CCBE1: variants seen among roughly 807,000 people sequenced by gnomAD.
CCBE1 encodes collagen and calcium-binding EGF domain-containing protein 1.
In CCBE1, 37 loss-of-function variants were observed where a neutral mutation model predicts 50.0. The ratio of observed to expected loss-of-function variants is 0.74; its 90% CI spans 0.57 to 0.97. The LOEUF (loss-of-function observed/expected upper bound fraction) is 0.97, where lower values mean the gene tolerates loss of function less well. Ranked by LOEUF, CCBE1 falls within the 50% of genes least tolerant of loss-of-function variation. CCBE1 has a pLI of 0.00. For synonymous variants in CCBE1, 234 were observed against 203.7 expected (o/e 1.15, Z -1.27); for missense variants, 538 against 523.8 (o/e 1.03, Z -0.26).
chr18:59,625,398 T>A (rs1256371918), intron 2 of CCBE1, among the ~76,000 whole-genome samples: 2 of 131,262 alleles, frequency 1.5e-5, no homozygotes, highest in East Asian at 2.2e-4. Context: ...GCCACTGCGC[T>A]CCAGCCTGGG....
chr18:59,629,670 G>A (rs549891247), intron 2 of CCBE1, among the ~76,000 whole-genome samples: 73 of 152,368 alleles, frequency 4.8e-4, no homozygotes, highest in Middle Eastern at 3.4e-3. Context: ...TAACAGAGAA[G>A]TCAGGAATAG....
Position 59,692,955 on chromosome 18 carries a change from A to AACACACAC in CCBE1, c.212+3673_212+3674insGTGTGTGT, listed in dbSNP as rs1568276448. ...TAAAAGAACCACTTTGTCAAGCCAA[A>AACACACAC]GCACACACACACACACACACACACA... On this transcript the variant is annotated intron_variant, in intron 2 of 10. Coordinates refer to ENST00000439986, the MANE Select transcript of CCBE1 (RefSeq NM_133459.4). 3.0e-3 allele frequency among the ~76,000 whole-genome samples: 425 copies of AACACACAC among 143,178 alleles called. 4 individuals are homozygous for AACACACAC. Among genetic ancestry groups the AACACACAC allele is most frequent in the South Asian group, 5.8e-3 (25 of 4,324 alleles). 93.9% of individuals were successfully genotyped at this position (143,178 alleles called of 152,430 possible).
intron 2 of CCBE1, among the ~76,000 whole-genome samples, chr18:59,483,767 T>C (rs1912686965): frequency 6.6e-6 from 1 of 152,208 alleles, no homozygotes. Context: ...GTAGATATCT[T>C]ACTTCAAAAG....
At chr18:59,595,019 G>A (rs2053330645) in intron 2 of CCBE1, among the ~76,000 whole-genome samples, 2 of 151,582 alleles carry the variant, frequency 1.3e-5, no homozygotes, top group South Asian at 2.1e-4. Context: ...GGCTAAGGCA[G>A]GAGAATCCCT....
chr18:59,666,084 A>G (rs2054351521), intron 2 of CCBE1: 1 of 152,382 alleles, frequency 6.6e-6, no homozygotes, highest in Non-Finnish European at 1.5e-5. Flanking sequence ...ACAGTTCCAC[A>G]TGGCTGGGGA....
At chr18:59,546,605 G>T (rs771663932) in intron 2 of CCBE1, among the ~76,000 whole-genome samples, 3 of 152,290 alleles carry the variant, frequency 2.0e-5, no homozygotes, top group South Asian at 4.1e-4. Context: ...ATAGATAAAA[G>T]AAACAAAATC....
At chr18:59,518,150 TTCAG>T (rs1343549026) in intron 2 of CCBE1, among the ~76,000 whole-genome samples, 3 of 152,186 alleles carry the variant, frequency 2.0e-5, no homozygotes, top group African/African-American at 7.2e-5. Flanking sequence ...AGGCACAGTA[TTCAG>T]TCAGTTTTTA....
chr18:59,473,510 T>A (rs898112771), intron 3 of CCBE1, among the ~76,000 whole-genome samples: 1 of 152,166 alleles, frequency 6.6e-6, no homozygotes, highest in Non-Finnish European at 1.5e-5. Context: ...ACTTACTCCC[T>A]CTGTGTGGAA....
upstream of CCBE1, chr18:59,697,583 T>G (rs1599148515): frequency 3.7e-6 from 2 of 543,338 alleles, no homozygotes; most frequent in Non-Finnish European, 6.5e-6. Context: ...GTACCTGCGG[T>G]GTCCGGCTGG....
At chr18:59,654,798 A>AC (rs1488215303) in intron 2 of CCBE1, among the ~76,000 whole-genome samples, 3 of 151,180 alleles carry the variant, frequency 2.0e-5, no homozygotes, top group Non-Finnish European at 4.4e-5. Context: ...CTCCAAAAAA[A>AC]AAAAAAAAAA....
At chr18:59,541,551 G>A (rs1337812562) in intron 2 of CCBE1, among the ~76,000 whole-genome samples, 1 of 152,130 alleles carries the variant, frequency 6.6e-6, no homozygotes, top group East Asian at 1.9e-4. Flanking sequence ...GCAGTTTCCA[G>A]AAAAGGGGGG....
chr18:59,615,376 T>C (rs2053622877), intron 2 of CCBE1, among the ~76,000 whole-genome samples: 1 of 152,204 alleles, frequency 6.6e-6, no homozygotes, highest in South Asian at 2.1e-4. Context: ...CGCTGCGTAA[T>C]TTCACCCACA....
chr18:59,438,089 C>G lies in CCBE1; in HGVS notation c.987+22G>C, dbSNP rs374440827. 2.5e-6 allele frequency: 4 copies of G among 1,613,696 alleles called. No individual in the cohort carries two copies. The South Asian group carries it at 4.4e-5, about 18-fold the overall frequency. ...CCCTGAGAACGTTCCCCTGGGGAAG[C>G]AGGACACAGAGTGCTACTTACTGGA... On this transcript the variant is annotated intron_variant, in intron 10 of 10. Coordinates refer to ENST00000439986, the MANE Select transcript of CCBE1 (RefSeq NM_133459.4).
intron 2 of CCBE1, among the ~76,000 whole-genome samples, chr18:59,514,602 T>C (rs1914283197): frequency 6.7e-6 from 1 of 149,068 alleles, no homozygotes; most frequent in Non-Finnish European, 1.5e-5. Context: ...TTTGGGGAAT[T>C]TAGGCATGCT....
intron 2 of CCBE1, among the ~76,000 whole-genome samples, chr18:59,612,294 A>T (rs747582349): frequency 4.5e-4 from 21 of 46,192 alleles, no homozygotes; most frequent in East Asian, 1.7e-3. Context: ...AAAGTATAAT[A>T]AAAAAAAAAA....
chr18:59,464,312 C>T (rs1911638334), intron 5 of CCBE1, among the ~76,000 whole-genome samples: 1 of 152,108 alleles, frequency 6.6e-6, no homozygotes, highest in Admixed American at 6.5e-5. Context: ...CCTGTAATCC[C>T]AGATACTTGG....
chr18:59,662,816 TA>T (rs2054302671), intron 2 of CCBE1, among the ~76,000 whole-genome samples: 1 of 152,212 alleles, frequency 6.6e-6, no homozygotes, highest in African/African-American at 2.4e-5. Context: ...TTATACATTC[TA>T]AAATCCTGTG....
At chr18:59,550,908 G>C (rs1256802241) in intron 2 of CCBE1, among the ~76,000 whole-genome samples, 1 of 149,834 alleles carries the variant, frequency 6.7e-6, no homozygotes, top group Non-Finnish European at 1.5e-5. Context: ...TAGAGGCTGA[G>C]GCAGGAGAAT....
intron 2 of CCBE1, among the ~76,000 whole-genome samples, chr18:59,599,586 T>C (rs1028970992): frequency 2.6e-5 from 4 of 152,230 alleles, no homozygotes; most frequent in East Asian, 1.9e-4. Flanking sequence ...TGAATTTTCT[T>C]ATCACTTATG....
Sources: allele counts gnomAD v4.1 joint callset (sites outside exome capture counted in the v4.1 genomes callset), GRCh38; gene constraint gnomAD v4.1.1; transcripts MANE v1.5; gene names NCBI Gene and HGNC (gene_info 2026-07-23, HGNC 2026-07-21).